ABCG5: variants seen among roughly 807,000 people sequenced by gnomAD.
ABCG5 encodes ATP binding cassette subfamily G member 5.
Under a neutral mutation model 64.5 loss-of-function variants are expected in ABCG5, and 64 were observed. The observed-to-expected ratio is 0.99, with a 90% confidence interval of 0.81 to 1.22. The LOEUF (loss-of-function observed/expected upper bound fraction) is 1.22, where lower values mean the gene tolerates loss of function less well. Among genes scored for constraint, ABCG5 ranks in the 50% most tolerant of loss-of-function variants. The pLI is 0.00. For missense variants in ABCG5, 908 were observed against 829.5 expected (o/e 1.09, Z -1.16); for synonymous variants, 385 against 326.3 (o/e 1.18, Z -1.94).
In ABCG5 at chr2:43,824,430, C is replaced by G; in HGVS notation, c.907G>C (p.Asp303His). ...CTTTGGGTATCCACTGACGTCAGGT[C>G]CACTAAAAGTTTTTCCCAAAAGATG... ...EHSNPFDFYM[D>H]LTSVDTQSKE... Residue 303 changes from aspartate to histidine, a missense_variant and splice_region_variant, in exon 8 of 13, where the codon GAC (aspartate) becomes CAC (histidine). Transcript: ENST00000405322. The G allele has an allele frequency of 6.2e-7, 1 of 1,613,646 alleles. No individual in the cohort carries two copies. The highest frequency in any genetic ancestry group is 8.5e-7 in the Non-Finnish European group (1 of 1,180,022).
At chr2:43,817,898 C>T (rs1217644370) in intron 11 of ABCG5, among the ~76,000 whole-genome samples, 2 of 151,292 alleles carry the variant, frequency 1.3e-5, no homozygotes, top group East Asian at 2.0e-4. Flanking sequence ...TGACAGAGCG[C>T]GATTCCCTCT....
rs1423334937 is a variant in ABCG5, at chr2:43,825,136, T to G, written c.775-118A>C. 4 of 1,241,918 alleles carry G rather than the reference T, an allele frequency of 3.2e-6. No individual in the cohort carries two copies. In the East Asian group the frequency reaches 1.0e-4, roughly 32 times the overall value. The allele number at this position is 1,241,918 out of a possible 1,614,324, so 76.9% of individuals were successfully genotyped here. A position where few individuals can be genotyped will look rare whatever the true frequency, so the allele number is the denominator to read the frequency against. ...GGTATTCCTTATGGTCACCAAGTCCTTATGGGAAATGCATTTCCCATAAGC... is the reference window on the plus strand; with the variant it reads ...GGTATTCCTTATGGTCACCAAGTCCGTATGGGAAATGCATTTCCCATAAGC... On this transcript the variant is annotated intron_variant, in intron 6 of 12. Transcript: ENST00000405322.
intron 2 of ABCG5, 44 bp from the exon 3 acceptor site, chr2:43,832,127 C>T (rs1244853140): frequency 1.9e-6 from 3 of 1,557,012 alleles, no homozygotes; most frequent in Admixed American, 1.9e-5. Flanking sequence ...CACTCTGTGC[C>T]GGCCTTGGAG....
At chr2:43,810,658 C>A, downstream of ABCG5, 1 of 338,802 alleles carries the variant, frequency 3.0e-6, no homozygotes, top group Non-Finnish European at 4.2e-6. Flanking sequence ...AGATAGCAAG[C>A]CATCTGCTTA....
chr2:43,822,840 A>AG lies in ABCG5; in HGVS notation c.1419dup (p.Phe474LeufsTer22). The AG allele has an allele frequency of 6.2e-7, 1 of 1,614,206 alleles. No individual in the cohort carries two copies. Among genetic ancestry groups the AG allele is most frequent in the Non-Finnish European group, 8.5e-7 (1 of 1,180,040 alleles). On this transcript the variant is annotated frameshift_variant, in exon 10 of 13. Transcript: ENST00000405322. LOFTEE classifies it high-confidence loss of function. The stretch of plus-strand genomic sequence containing the variant: ...AAAATCATGGTGGCAACAACGCTGA[A>AG]GGGGAGGACGTGCAGTGCATAGGCC...
chr2:43,825,046 T>G, intron 6 of ABCG5, 28 bp from the exon 7 acceptor site: 1 of 1,612,096 alleles, frequency 6.2e-7, no homozygotes, highest in Non-Finnish European at 8.5e-7. Context: ...GTAGTTAGTG[T>G]GTGATCACAA....
At chr2:43,831,724 C>G in intron 4 of ABCG5, 45 bp downstream of exon 4, 2 of 1,526,734 alleles carry the variant, frequency 1.3e-6, no homozygotes, top group Non-Finnish European at 1.8e-6. Flanking sequence ...GCGGGGGGTG[C>G]AAAGGTACTC....
At position 43,813,207 on chromosome 2, in the gene ABCG5, A is replaced by T. The variant is rs1558713667; in HGVS notation, c.1865T>A (p.Met622Lys). Residue 622 changes from methionine to lysine, a missense_variant, in exon 13 of 13, where the codon ATG (methionine) becomes AAG (lysine). Met to Lys is a moderately conservative substitution (Grantham distance 95, BLOSUM62 -1). Coordinates refer to ENST00000405322, the MANE Select transcript of ABCG5 (RefSeq NM_022436.3). ...AAATGAATACAAAATCAGAAAGTTC[A>T]TTGTGAATCTAGATGTTGCACCTGG... ...TCPGATSRFT[M>K]NFLILYSFIP... 4.4e-6 allele frequency: 7 copies of T among 1,608,714 alleles called. No individual in the cohort carries two copies. Among genetic ancestry groups the T allele is most frequent in the Non-Finnish European group, 6.0e-6 (7 of 1,175,202 alleles).
chr2:43,809,430 A>G (rs1337458033), downstream of ABCG5, among the ~76,000 whole-genome samples: 3 of 152,230 alleles, frequency 2.0e-5, no homozygotes, highest in East Asian at 3.8e-4. Flanking sequence ...AAGACAATTC[A>G]TATGTATTAT....
At chr2:43,827,521 C>G (rs1324831321) in intron 5 of ABCG5, among the ~76,000 whole-genome samples, 1 of 152,096 alleles carries the variant, frequency 6.6e-6, no homozygotes, top group Non-Finnish European at 1.5e-5. Flanking sequence ...CCAAACCTGG[C>G]AGAGGACTGA....
chr2:43,814,505 A>G lies in ABCG5; in HGVS notation c.1734T>C (p.Asn578=). 1 of 1,608,032 alleles carries G rather than the reference A, an allele frequency of 6.2e-7. No individual in the cohort carries two copies. Among genetic ancestry groups the G allele is most frequent in the Non-Finnish European group, 8.5e-7 (1 of 1,174,712 alleles). ...QKYCSEILVV[N]EFYGLNFTCG... ...AAGTGAAATTCAGTCCGTAGAACTC[A>G]TTGACTACAAGAATCTCACTGCAAT... The change falls in exon 12 of 13, where the codon AAT becomes AAC. Residue 578 remains asparagine (N), a synonymous_variant. Transcript: ENST00000405322.
At chr2:43,823,487 GT>G (rs944438503) in intron 9 of ABCG5, among the ~76,000 whole-genome samples, 1 of 152,110 alleles carries the variant, frequency 6.6e-6, no homozygotes. Context: ...AGGCAACCAG[GT>G]TTTGTCTCTG....
chr2:43,820,817 C>T (rs899380768), intron 10 of ABCG5, among the ~76,000 whole-genome samples: 1 of 152,050 alleles, frequency 6.6e-6, no homozygotes, highest in Admixed American at 6.6e-5. Context: ...CCACACCCAG[C>T]TAATTTTTTT....
Position 43,838,555 on chromosome 2 carries a change from T to C in ABCG5, c.125A>G (p.His42Arg). The change falls in exon 1 of 13, where the codon CAT (histidine) becomes CGT (arginine). Residue 42 changes from histidine to arginine, a missense_variant. Coordinates refer to ENST00000405322, the MANE Select transcript of ABCG5 (RefSeq NM_022436.3). This position sits in a 1 kb window ranked among gnomAD's most constrained non-coding sequence, Gnocchi z 4.2. ...APEPHSLGIL[H>R]ASYSVSHRVR... is the part of the protein sequence containing the mutation. ...GCCTTACCTGACGCTGTAGGAGGCA[T>C]GGAGGATGCCCAGGCTGTGAGGCTC... The C allele has an allele frequency of 3.1e-6, 5 of 1,606,986 alleles. No homozygotes were observed. The highest frequency in any genetic ancestry group is 4.2e-6 in the Non-Finnish European group (5 of 1,177,366).
rs986977157 is a variant in ABCG5 at position 43,837,912 on chromosome 2, G to A, written c.187C>T (p.Gln63Ter). The change falls in exon 2 of 13, where the codon CAG (glutamine) becomes TAG (stop). Residue 63 changes from glutamine to a stop codon, truncating the protein, a stop_gained. Transcript: ENST00000405322. LOFTEE classifies it high-confidence loss of function. ...TCTTTGAGGATCTGCCTGGTCCACT[G>A]CTGCCGGCAAGATGTGATGTCCCAC... ...PWWDITSCRQQWTRQILKDVS... is the reference protein window; with the variant it reads ...PWWDITSCRQ The A allele has an allele frequency of 3.1e-6, 5 of 1,613,998 alleles. No individual in the cohort carries two copies. Among genetic ancestry groups the A allele is most frequent in the African/African-American group, 1.3e-5 (1 of 74,918 alleles).
At chr2:43,813,709 G>GGTTTTTTTTTTTTT (rs1666623066) in intron 12 of ABCG5, among the ~76,000 whole-genome samples, 1 of 34,070 alleles carries the variant, frequency 2.9e-5, no homozygotes, top group Non-Finnish European at 5.4e-5. Context: ...TTTTTTTTTC[G>GGTTTTTTTTTTTTT]TTTTTTTTTT....
Position 43,831,764 on chromosome 2 carries a change from C to A in ABCG5, c.501+5G>T. 6.4e-7 allele frequency: 1 copy of A among 1,573,742 alleles called. No individual in the cohort carries two copies. Among genetic ancestry groups the A allele is most frequent in the Non-Finnish European group, 8.6e-7 (1 of 1,161,344 alleles). ...TGCCCTCTGTGAGCGGGGGGCTGCA[C>A]CCACCTTCTTCTGGAAGGAGCCGGG... On this transcript the variant is annotated splice_donor_5th_base_variant and intron_variant, in intron 4 of 12. Transcript: ENST00000405322.
At chr2:43,828,697 G>A (rs977012192) in intron 4 of ABCG5, among the ~76,000 whole-genome samples, 2 of 151,430 alleles carry the variant, frequency 1.3e-5, no homozygotes, top group African/African-American at 4.9e-5. Flanking sequence ...CTGGCATGGC[G>A]GCTTATGCCT....
intron 7 of ABCG5, 28 bp downstream of exon 7, chr2:43,824,861 T>C: frequency 6.2e-7 from 1 of 1,612,476 alleles, no homozygotes. Flanking sequence ...AAAACATTCA[T>C]GATGGGGAAT....
Sources: allele counts gnomAD v4.1 joint callset (sites outside exome capture counted in the v4.1 genomes callset), GRCh38; gene constraint gnomAD v4.1.1; non-coding constraint Gnocchi (gnomAD v3.1); transcripts MANE v1.5; gene names NCBI Gene and HGNC (gene_info 2026-07-23, HGNC 2026-07-21).